IL1RAPL2: variants seen among roughly 807,000 people sequenced by gnomAD.
IL1RAPL2 encodes the protein interleukin 1 receptor accessory protein like 2, also known as X-linked interleukin-1 receptor accessory protein-like 2.
In IL1RAPL2, 3 loss-of-function variants were observed where a neutral mutation model predicts 44.1. That is an observed-to-expected ratio of 0.07 (90% CI 0.03 to 0.18). The LOEUF is 0.18. Among genes scored for constraint, IL1RAPL2 ranks in the 10% least tolerant of loss-of-function variants. The pLI, the probability that IL1RAPL2 is intolerant of heterozygous loss-of-function variation, is 1.00. For missense variants in IL1RAPL2, 391 were observed against 496.4 expected (o/e 0.79, Z 2.02); for synonymous variants, 181 against 178.8 (o/e 1.01, Z -0.10).
intron 2 of IL1RAPL2, among the ~76,000 whole-genome samples, chrX:104,915,003 G>T (rs1329728821): frequency 2.7e-5 from 3 of 111,659 alleles, no homozygotes; most frequent in Non-Finnish European, 5.6e-5. Context: ...CTTTGCTATT[G>T]TGAATAGTGC....
At chrX:105,315,382 T>C (rs1042174826) in intron 5 of IL1RAPL2, among the ~76,000 whole-genome samples, 3 of 103,718 alleles carry the variant, frequency 2.9e-5, no homozygotes, top group Admixed American at 1.1e-4. Context: ...TACCTTTTTT[T>C]AAAAAAAAAT....
intron 2 of IL1RAPL2, among the ~76,000 whole-genome samples, chrX:104,755,240 A>T (rs1464125653): frequency 9.0e-6 from 1 of 110,759 alleles, no homozygotes; most frequent in Non-Finnish European, 1.9e-5. Flanking sequence ...AAAGTTATGG[A>T]CTGCTTTCCC....
chrX:104,659,067 G>T, intron 2 of IL1RAPL2, 72 bp downstream of exon 2: 1 of 677,288 alleles, frequency 1.5e-6, no homozygotes, highest in Non-Finnish European at 2.3e-6. Flanking sequence ...GGGCACCTGT[G>T]CCTTTAACTA....
intron 5 of IL1RAPL2, among the ~76,000 whole-genome samples, chrX:105,393,096 G>A (rs951284243): frequency 5.3e-5 from 6 of 112,207 alleles, no homozygotes; most frequent in East Asian, 2.8e-4. Context: ...CTGGCCACAC[G>A]GGAGAAGAAG....
At chrX:105,293,865 T>A (rs886142279) in intron 5 of IL1RAPL2, among the ~76,000 whole-genome samples, 3 of 112,109 alleles carry the variant, frequency 2.7e-5, no homozygotes, top group Admixed American at 9.5e-5. Flanking sequence ...AACAGATACA[T>A]TTGAGCTATA....
intron 6 of IL1RAPL2, among the ~76,000 whole-genome samples, chrX:105,624,982 A>G (rs1353518560): frequency 8.9e-6 from 1 of 112,078 alleles, no homozygotes; most frequent in African/African-American, 3.2e-5. Flanking sequence ...ATGATATACA[A>G]CAGAGTGTTT....
At chrX:105,253,690 T>A (rs1254740930) in intron 4 of IL1RAPL2, among the ~76,000 whole-genome samples, 1 of 111,507 alleles carries the variant, frequency 9.0e-6, no homozygotes, top group Non-Finnish European at 1.9e-5. Context: ...ATAGTTATCT[T>A]TTCTGCTCCT....
intron 1 of IL1RAPL2, among the ~76,000 whole-genome samples, chrX:104,572,141 T>C (rs780913637): frequency 8.9e-6 from 1 of 111,953 alleles, no homozygotes; most frequent in African/African-American, 3.2e-5. Flanking sequence ...TTTATAATTA[T>C]TTGTGAGGCA....
At chrX:104,914,950 T>C (rs1924367861) in intron 2 of IL1RAPL2, among the ~76,000 whole-genome samples, 2 of 111,952 alleles carry the variant, frequency 1.8e-5, no homozygotes, top group African/African-American at 3.3e-5. Context: ...CACATTTTCT[T>C]AATCCAGTCT....
At chrX:105,139,779 T>A (rs1423764574) in intron 2 of IL1RAPL2, among the ~76,000 whole-genome samples, 2 of 112,405 alleles carry the variant, frequency 1.8e-5, no homozygotes, top group Non-Finnish European at 3.8e-5. Context: ...GTTCAACATA[T>A]GAATTTTTAA....
At chrX:104,857,872 A>G (rs1186385066) in intron 2 of IL1RAPL2, among the ~76,000 whole-genome samples, 2 of 111,429 alleles carry the variant, frequency 1.8e-5, no homozygotes, top group Non-Finnish European at 3.8e-5. Context: ...CAATAGAATC[A>G]TAGATTCATA....
At chrX:104,582,682 CTT>C (rs1928404093) in intron 1 of IL1RAPL2, among the ~76,000 whole-genome samples, 2 of 77,149 alleles carry the variant, frequency 2.6e-5, no homozygotes, top group Admixed American at 3.1e-4. Flanking sequence ...CTTTCTCTTT[CTT>C]TCTTTCTTTC....
intron 5 of IL1RAPL2, among the ~76,000 whole-genome samples, chrX:105,318,091 G>A (rs1308786238): frequency 2.8e-5 from 3 of 109,070 alleles, no homozygotes; most frequent in African/African-American, 6.7e-5. Flanking sequence ...TCCTGCCTCA[G>A]CCTCCCGAGT....
rs2031462964 is a variant in IL1RAPL2 at position 105,030,252 on chromosome X, A to G, written c.83-165223A>G. Among the ~76,000 whole-genome samples the G allele has an allele frequency of 8.1e-5, 9 of 111,186 alleles. No homozygotes were observed. The Admixed American group carries it at 8.6e-4, about 11-fold the overall frequency. On this transcript the variant is annotated intron_variant, in intron 2 of 10. Coordinates refer to ENST00000372582, the MANE Select transcript of IL1RAPL2 (RefSeq NM_017416.2). ...TGTGCAGAAGCTCTTTAGTTTAATT[A>G]GATCCCATTTGTCAATTTTGGCTTT...
At chrX:104,611,172 A>C (rs1176325230) in intron 1 of IL1RAPL2, among the ~76,000 whole-genome samples, 1 of 111,624 alleles carries the variant, frequency 9.0e-6, no homozygotes, top group African/African-American at 3.3e-5. Context: ...GTCCATTATC[A>C]GAGCTTGAAC....
At chrX:105,483,545 C>A (rs1477615997) in intron 5 of IL1RAPL2, among the ~76,000 whole-genome samples, 1 of 111,363 alleles carries the variant, frequency 9.0e-6, no homozygotes, top group African/African-American at 3.3e-5. Context: ...TTTTCTCCAT[C>A]CCTTAAGTTT....
chrX:105,630,951 C>A (rs1367785617), intron 6 of IL1RAPL2, among the ~76,000 whole-genome samples: 1 of 110,683 alleles, frequency 9.0e-6, no homozygotes, highest in Non-Finnish European at 1.9e-5. Context: ...TTGCAAGTTC[C>A]CTCGCTGCGA....
At chrX:105,713,529 A>G (rs891805511) in intron 6 of IL1RAPL2, among the ~76,000 whole-genome samples, 4 of 111,543 alleles carry the variant, frequency 3.6e-5, no homozygotes, top group African/African-American at 1.3e-4. Context: ...AACTGCCTCC[A>G]TGATCCAATC....
intron 2 of IL1RAPL2, among the ~76,000 whole-genome samples, chrX:104,808,489 A>G (rs1045235966): frequency 9.0e-6 from 1 of 111,302 alleles, no homozygotes; most frequent in African/African-American, 3.3e-5. Context: ...ACTTTTGAGC[A>G]GGATTGAGGT....
Sources: allele counts gnomAD v4.1 joint callset (sites outside exome capture counted in the v4.1 genomes callset), GRCh38; gene constraint gnomAD v4.1.1; transcripts MANE v1.5; gene names NCBI Gene and HGNC (gene_info 2026-07-23, HGNC 2026-07-21).